The following NPAS3 variants were observed in gnomAD, a reference collection of about 807,000 sequenced individuals.
The protein encoded by NPAS3 is neuronal PAS domain-containing protein 3.
A neutral mutation model predicts 73.1 loss-of-function variants in NPAS3; 14 were observed. The ratio of observed to expected loss-of-function variants is 0.19; its 90% CI spans 0.13 to 0.30. The LOEUF is 0.30. Ranked by LOEUF, NPAS3 falls within the 10% of genes least tolerant of loss-of-function variation. NPAS3 has a pLI of 1.00. For missense variants in NPAS3, 1,096 were observed against 1,250.0 expected (o/e 0.88, Z 1.86); for synonymous variants, 620 against 541.5 (o/e 1.14, Z -2.01).
At chr14:33,312,280 T>C (rs958483565) in intron 3 of NPAS3, among the ~76,000 whole-genome samples, 1 of 152,120 alleles carries the variant, frequency 6.6e-6, no homozygotes, top group African/African-American at 2.4e-5. Flanking sequence ...TCGAGTTATC[T>C]TTAGACTTGT....
At chr14:33,395,406 GT>G (rs33960337) in intron 4 of NPAS3, among the ~76,000 whole-genome samples, 9 of 149,644 alleles carry the variant, frequency 6.0e-5, no homozygotes, top group Admixed American at 1.3e-4. Flanking sequence ...CATAGTTCAA[GT>G]TTTTTTTTTA....
chr14:33,379,557 G>C (rs976730674), intron 4 of NPAS3, among the ~76,000 whole-genome samples: 2 of 152,138 alleles, frequency 1.3e-5, no homozygotes, highest in Non-Finnish European at 2.9e-5. Context: ...GAATGACGTG[G>C]AATAGGGTGA....
At chr14:33,406,031 T>C (rs1399737797) in intron 4 of NPAS3, among the ~76,000 whole-genome samples, 4 of 152,092 alleles carry the variant, frequency 2.6e-5, no homozygotes, top group African/African-American at 7.2e-5. Flanking sequence ...CAATACACTT[T>C]TTACTCAGGA....
chr14:33,478,068 T>C (rs2051130132), intron 4 of NPAS3, among the ~76,000 whole-genome samples: 1 of 152,132 alleles, frequency 6.6e-6, no homozygotes, highest in African/African-American at 2.4e-5. Flanking sequence ...TCGCATGCCC[T>C]CTGGGTAGAG....
intron 10 of NPAS3, 73 bp from the exon 11 acceptor site, chr14:33,797,384 G>T (rs2063542058): frequency 6.6e-7 from 1 of 1,516,184 alleles, no homozygotes; most frequent in East Asian, 2.3e-5. Flanking sequence ...ACAAAGAAGT[G>T]GGGGAGAAGA....
At chr14:33,146,890 C>T (rs1411395409) in intron 2 of NPAS3, among the ~76,000 whole-genome samples, 1 of 152,194 alleles carries the variant, frequency 6.6e-6, no homozygotes, top group East Asian at 1.9e-4. Context: ...TTGTTTCCTT[C>T]CCTGTTTCCT....
At chr14:33,014,925 C>T (rs1200076167) in intron 1 of NPAS3, among the ~76,000 whole-genome samples, 3 of 152,096 alleles carry the variant, frequency 2.0e-5, no homozygotes, top group African/African-American at 7.2e-5. Context: ...TGTGCTGTGC[C>T]CAGCAGTAAG....
chr14:33,707,901 T>C (rs576479580), intron 6 of NPAS3, among the ~76,000 whole-genome samples: 1 of 152,168 alleles, frequency 6.6e-6, no homozygotes, highest in East Asian at 1.9e-4. Context: ...TGAGTCAATA[T>C]CTGAACCGGG....
intron 2 of NPAS3, among the ~76,000 whole-genome samples, chr14:33,155,699 A>C (rs2044620913): frequency 6.6e-6 from 1 of 152,174 alleles, no homozygotes; most frequent in Non-Finnish European, 1.5e-5. Context: ...CACCGAGCTA[A>C]TCCTAGGTAG....
intron 3 of NPAS3, among the ~76,000 whole-genome samples, chr14:33,235,452 G>T (rs1048479584): frequency 1.3e-5 from 2 of 151,996 alleles, no homozygotes; most frequent in African/African-American, 4.8e-5. Flanking sequence ...AGTCACTGTG[G>T]TAAGAGTGAA....
intron 6 of NPAS3, among the ~76,000 whole-genome samples, chr14:33,685,732 G>A (rs556842161): frequency 2.0e-5 from 3 of 152,156 alleles, no homozygotes; most frequent in Non-Finnish European, 2.9e-5. Flanking sequence ...TAACATTAAT[G>A]ATATATTAAT....
intron 5 of NPAS3, among the ~76,000 whole-genome samples, chr14:33,664,315 T>C (rs992001031): frequency 1.3e-5 from 2 of 152,166 alleles, no homozygotes; most frequent in Non-Finnish European, 2.9e-5. Flanking sequence ...CGGCTAGCCA[T>C]ATGCAGAAAA....
intron 2 of NPAS3, among the ~76,000 whole-genome samples, chr14:33,159,818 G>A (rs2044791578): frequency 6.6e-6 from 1 of 152,146 alleles, no homozygotes; most frequent in African/African-American, 2.4e-5. Flanking sequence ...CTCCCAAAGT[G>A]CTGGGATTAT....
At chr14:33,785,285 A>C (rs891710854) in intron 9 of NPAS3, among the ~76,000 whole-genome samples, 3 of 151,502 alleles carry the variant, frequency 2.0e-5, no homozygotes, top group Non-Finnish European at 2.9e-5. Flanking sequence ...AAATACAAAA[A>C]TTAGCTGGGC....
At chr14:33,242,952 T>C (rs1252963373) in intron 3 of NPAS3, among the ~76,000 whole-genome samples, 1 of 152,140 alleles carries the variant, frequency 6.6e-6, no homozygotes, top group Non-Finnish European at 1.5e-5. Flanking sequence ...CTCTCTACAG[T>C]CTATATTTGA....
intron 9 of NPAS3, among the ~76,000 whole-genome samples, chr14:33,790,949 C>T (rs566360065): frequency 6.6e-6 from 1 of 152,340 alleles, no homozygotes; most frequent in Admixed American, 6.5e-5. Flanking sequence ...ATTTCTTTTA[C>T]AAGATCTGTT....
chr14:33,479,296 T>C (rs948244912), intron 4 of NPAS3, among the ~76,000 whole-genome samples: 1 of 152,062 alleles, frequency 6.6e-6, no homozygotes, highest in Non-Finnish European at 1.5e-5. Context: ...GTAATAAATA[T>C]ATATGCTTTG....
intron 4 of NPAS3, among the ~76,000 whole-genome samples, chr14:33,429,581 ACTTC>A (rs1213847406): frequency 6.6e-6 from 1 of 152,150 alleles, no homozygotes; most frequent in African/African-American, 2.4e-5. Context: ...TTTACAAGGT[ACTTC>A]CTTTTGACCA....
chr14:33,334,789 G>T (rs61972735), intron 3 of NPAS3, among the ~76,000 whole-genome samples: 1 of 151,976 alleles, frequency 6.6e-6, no homozygotes, highest in Admixed American at 6.6e-5. Flanking sequence ...CTTGAGCAGC[G>T]TATACTTTAT....
Sources: allele counts gnomAD v4.1 joint callset (sites outside exome capture counted in the v4.1 genomes callset), GRCh38; gene constraint gnomAD v4.1.1; transcripts MANE v1.5; gene names NCBI Gene and HGNC (gene_info 2026-07-23, HGNC 2026-07-21).